The following GRID1 variants were observed in gnomAD, a reference collection of about 807,000 sequenced individuals.
The protein encoded by GRID1 is glutamate receptor ionotropic, delta-1.
Under a neutral mutation model 98.0 loss-of-function variants are expected in GRID1, and 28 were observed. That is an observed-to-expected ratio of 0.29 (90% CI 0.21 to 0.39). The LOEUF is 0.39. Among genes scored for constraint, GRID1 ranks in the 10% least tolerant of loss-of-function variants. GRID1 has a pLI of 1.00. For missense variants in GRID1, 1,111 were observed against 1,340.5 expected, an observed-to-expected ratio of 0.83 and a Z score of 2.67; for synonymous variants, 553 against 538.5, an observed-to-expected ratio of 1.03 and a Z score of -0.37.
intron 3 of GRID1, among the ~76,000 whole-genome samples, chr10:86,155,088 C>T (rs1022225964): frequency 1.3e-5 from 2 of 152,160 alleles, no homozygotes; most frequent in Admixed American, 6.5e-5. Flanking sequence ...ATACAGAAGC[C>T]CCTCATTATT....
chr10:86,113,631 C>T (rs558521767), intron 4 of GRID1, among the ~76,000 whole-genome samples: 1 of 152,256 alleles, frequency 6.6e-6, no homozygotes, highest in East Asian at 1.9e-4. Flanking sequence ...GTGTGGTGGC[C>T]TCGCCTGGTT....
chr10:85,777,256 G>T (rs1203766389), intron 8 of GRID1, among the ~76,000 whole-genome samples: 1 of 152,174 alleles, frequency 6.6e-6, no homozygotes, highest in Non-Finnish European at 1.5e-5. Flanking sequence ...AAAACCTGGG[G>T]TCCACTCTCT....
chr10:86,128,460 C>T (rs753384199), intron 4 of GRID1, among the ~76,000 whole-genome samples: 1 of 152,172 alleles, frequency 6.6e-6, no homozygotes, highest in Non-Finnish European at 1.5e-5. Flanking sequence ...CTCCATGACT[C>T]GAACTGTGGA....
rs558752409 is a variant in GRID1 at position 85,748,775 on chromosome 10, A to G, written c.1234-19161T>C. Among the ~76,000 whole-genome samples, 3 of 152,272 alleles carry G rather than the reference A, an allele frequency of 2.0e-5. No individual in the cohort carries two copies. In the East Asian group the frequency reaches 5.8e-4, roughly 29 times the overall value. On this transcript the variant is annotated intron_variant, in intron 8 of 15. Transcript: ENST00000327946. Reference sequence around the variant, plus strand: ...GGCCAGGCTCCAGCTTGACATCTCCACTTGAATACCTAATAGACAACTCAG... The same window carrying G: ...GGCCAGGCTCCAGCTTGACATCTCCGCTTGAATACCTAATAGACAACTCAG...
chr10:85,613,126 G>A (rs1341956116), intron 15 of GRID1: 8 of 435,684 alleles, frequency 1.8e-5, no homozygotes, highest in East Asian at 4.1e-5. Flanking sequence ...GCTCTCTGGC[G>A]CTGCCCACGC....
intron 8 of GRID1, among the ~76,000 whole-genome samples, chr10:85,820,642 A>T (rs1376140154): frequency 6.6e-6 from 1 of 152,230 alleles, no homozygotes; most frequent in Non-Finnish European, 1.5e-5. Flanking sequence ...ACATCAAATA[A>T]TTATTTGTGC....
chr10:86,252,226 C>G (rs1295473430), intron 2 of GRID1, among the ~76,000 whole-genome samples: 1 of 152,138 alleles, frequency 6.6e-6, no homozygotes, highest in Non-Finnish European at 1.5e-5. Flanking sequence ...CAGCAGAGAC[C>G]GGGATGTGGC....
At position 86,366,257 on chromosome 10, in the gene GRID1, C is replaced by T; in HGVS notation, c.79+57G>A. 1.6e-6 allele frequency: 2 copies of T among 1,274,138 alleles called. No homozygotes were observed. The highest frequency in any genetic ancestry group is 2.1e-6 in the Non-Finnish European group (2 of 935,468). The allele number at this position is 1,274,138 out of a possible 1,614,324, so 78.9% of individuals were successfully genotyped here. A position where few individuals can be genotyped will look rare whatever the true frequency, so the allele number is the denominator to read the frequency against. ...AAACGCCAAGTTTGGACGCCGCGCACCCCCTGCCCCGTTGGGGCCCCCGCC... is the reference window on the plus strand; with the variant it reads ...AAACGCCAAGTTTGGACGCCGCGCATCCCCTGCCCCGTTGGGGCCCCCGCC... On this transcript the variant is annotated intron_variant, in intron 1 of 15. Coordinates refer to ENST00000327946, the MANE Select transcript of GRID1 (RefSeq NM_017551.3). This position sits in a 1 kb window ranked among gnomAD's most constrained non-coding sequence, Gnocchi z 4.1.
intron 8 of GRID1, among the ~76,000 whole-genome samples, chr10:85,792,809 C>A (rs1040974670): frequency 6.6e-6 from 1 of 152,162 alleles, no homozygotes; most frequent in African/African-American, 2.4e-5. Context: ...GCCACAATGA[C>A]CCTTATTCTG....
chr10:86,031,067 C>T (rs1843179464), intron 4 of GRID1, among the ~76,000 whole-genome samples: 1 of 152,166 alleles, frequency 6.6e-6, no homozygotes, highest in South Asian at 2.1e-4. Context: ...GGCACATTTG[C>T]CACCAGCTGG....
intron 4 of GRID1, among the ~76,000 whole-genome samples, chr10:86,019,199 T>C (rs1433561164): frequency 1.3e-5 from 2 of 152,218 alleles, no homozygotes; most frequent in African/African-American, 4.8e-5. Flanking sequence ...CAGACCAGTT[T>C]GGCATCTGCA....
In GRID1 at chr10:85,916,322, T is replaced by C. The variant is rs1405320843; in HGVS notation, c.727-83A>G. ...GGATGATTGCCGAGACAGAGTTTTA[T>C]AAACATTGTTCTTGGAGAATATTTT... On this transcript the variant is annotated intron_variant, in intron 4 of 15. Coordinates refer to ENST00000327946, the MANE Select transcript of GRID1 (RefSeq NM_017551.3). This position sits in a 1 kb window ranked among gnomAD's most constrained non-coding sequence, Gnocchi z 4.0. The C allele has an allele frequency of 1.6e-5, 17 of 1,031,470 alleles. No homozygotes were observed. The Admixed American group carries it at 2.5e-4, about 15-fold the overall frequency. The allele number at this position is 1,031,470 out of a possible 1,614,324, so 63.9% of individuals were successfully genotyped here. A position where few individuals can be genotyped will look rare whatever the true frequency, so the allele number is the denominator to read the frequency against.
At position 85,912,480 on chromosome 10, in the gene GRID1, A is replaced by C. The variant is rs190389907; in HGVS notation, c.780+3706T>G. ...AAAAGAGGGTAGATGTAAAGAAAGC[A>C]AATAAAAACGTGTGCCCTCAAGTGT... On this transcript the variant is annotated intron_variant, in intron 5 of 15. Coordinates refer to ENST00000327946, the MANE Select transcript of GRID1 (RefSeq NM_017551.3). 1.3e-4 allele frequency among the ~76,000 whole-genome samples: 20 copies of C among 152,006 alleles called. 1 individual carries two copies. Among genetic ancestry groups the C allele is most frequent in the Admixed American group, 1.2e-3 (18 of 15,300 alleles).
At chr10:86,243,742 C>A (rs142887429) in intron 2 of GRID1, among the ~76,000 whole-genome samples, 1 of 152,270 alleles carries the variant, frequency 6.6e-6, no homozygotes, top group South Asian at 2.1e-4. Context: ...AAAATGCCAG[C>A]GCCACCCATT....
intron 12 of GRID1, among the ~76,000 whole-genome samples, chr10:85,707,435 A>ATGGCAATC (rs1177020268): frequency 7.2e-5 from 11 of 152,248 alleles, no homozygotes; most frequent in Non-Finnish European, 1.2e-4. Flanking sequence ...ACCAGTTAGA[A>ATGGCAATC]TGGCAATCAT....
In GRID1 at chr10:86,365,579, T is replaced by C. The variant is rs1794752964; in HGVS notation, c.79+735A>G. ...CGCTGCCCACGCTTCTTCCCTCGGCTCCCACCACCCAGACCGTCTGGGCCC... is the reference window on the plus strand; with the variant it reads ...CGCTGCCCACGCTTCTTCCCTCGGCCCCCACCACCCAGACCGTCTGGGCCC... On this transcript the variant is annotated intron_variant, in intron 1 of 15. Transcript: ENST00000327946. This position sits in a 1 kb window ranked among gnomAD's most constrained non-coding sequence, Gnocchi z 4.8. Among the ~76,000 whole-genome samples, 1 of 133,430 alleles carries C rather than the reference T, an allele frequency of 7.5e-6. No homozygotes were observed. Among genetic ancestry groups the C allele is most frequent in the South Asian group, 2.5e-4 (1 of 3,986 alleles). The allele number at this position is 133,430 out of a possible 152,430, so 87.5% of individuals were successfully genotyped here.
chr10:86,219,091 C>G (rs932176314), intron 2 of GRID1, among the ~76,000 whole-genome samples: 27 of 152,252 alleles, frequency 1.8e-4, no homozygotes, highest in African/African-American at 6.5e-4. Flanking sequence ...ACCTCACTCC[C>G]TCTACAACTG....
chr10:86,283,139 C>T (rs750006058), intron 2 of GRID1, among the ~76,000 whole-genome samples: 16 of 152,212 alleles, frequency 1.1e-4, no homozygotes, highest in Non-Finnish European at 2.2e-4. Context: ...TGCTGTGTGC[C>T]TGGCCAACTC....
chr10:85,995,037 T>C (rs1175988345), intron 4 of GRID1, among the ~76,000 whole-genome samples: 1 of 152,246 alleles, frequency 6.6e-6, no homozygotes, highest in Non-Finnish European at 1.5e-5. Context: ...TTGAGTTTTA[T>C]GTTCTTTCCA....
Sources: gnomAD v4.1 joint callset for allele counts (sites outside exome capture counted in the v4.1 genomes callset) on GRCh38, gnomAD v4.1.1 for gene constraint, Gnocchi (gnomAD v3.1) non-coding constraint, MANE v1.5 for transcripts, NCBI Gene and HGNC (gene_info 2026-07-23, HGNC 2026-07-21) for gene names.